SLC35F4: variants seen among roughly 807,000 people sequenced by gnomAD.
The protein encoded by SLC35F4 is solute carrier family 35 member F4, also known as chromosome 14 open reading frame 36.
In SLC35F4, 24 loss-of-function variants were observed where a neutral mutation model predicts 44.2. The observed-to-expected ratio is 0.54, with a 90% CI of 0.39 to 0.76. SLC35F4 has a LOEUF of 0.76. Ranked by LOEUF, SLC35F4 falls within the 30% of genes least tolerant of loss-of-function variation. The pLI is 0.00. For synonymous variants in SLC35F4, 238 were observed against 223.6 expected (o/e 1.06, Z -0.57); for missense variants, 562 against 586.1 (o/e 0.96, Z 0.42).
chr14:57,752,603 G>A (rs979812666), intron 1 of SLC35F4, among the ~76,000 whole-genome samples: 3 of 152,056 alleles, frequency 2.0e-5, no homozygotes, highest in Non-Finnish European at 2.9e-5. Flanking sequence ...TGGGACTACA[G>A]GCGCACACTA....
chr14:57,727,890 T>C (rs935171476), intron 1 of SLC35F4, among the ~76,000 whole-genome samples: 4 of 152,186 alleles, frequency 2.6e-5, no homozygotes, highest in Non-Finnish European at 5.9e-5. Flanking sequence ...TAAATATCTA[T>C]TAGTTCCATT....
chr14:57,581,836 C>A (rs2069293523), intron 3 of SLC35F4, among the ~76,000 whole-genome samples: 1 of 152,248 alleles, frequency 6.6e-6, no homozygotes, highest in East Asian at 1.9e-4. Flanking sequence ...CAGACAACTC[C>A]TAGAACCCGG....
intron 3 of SLC35F4, among the ~76,000 whole-genome samples, chr14:57,585,009 C>CAAATATAAAATATCTTTA (rs2069588449): frequency 6.6e-6 from 1 of 152,154 alleles, no homozygotes; most frequent in Admixed American, 6.5e-5. Context: ...GGATGGGAAT[C>CAAATATAAAATATCTTTA]AAATATAAAA....
intron 1 of SLC35F4, among the ~76,000 whole-genome samples, chr14:57,879,023 G>C (rs1888461653): frequency 6.6e-6 from 1 of 152,046 alleles, no homozygotes; most frequent in Non-Finnish European, 1.5e-5. Flanking sequence ...CTCCATCCAG[G>C]CAGGGCCAAA....
intron 1 of SLC35F4, among the ~76,000 whole-genome samples, chr14:57,839,434 A>T (rs1343677695): frequency 6.6e-6 from 1 of 152,206 alleles, no homozygotes; most frequent in Non-Finnish European, 1.5e-5. Context: ...CTTTGCAGAG[A>T]CATAGATGGA....
chr14:57,737,568 G>T (rs947087165), intron 1 of SLC35F4, among the ~76,000 whole-genome samples: 3 of 152,024 alleles, frequency 2.0e-5, no homozygotes, highest in South Asian at 2.1e-4. Context: ...GCTGTCAGAG[G>T]TTAAATGTAT....
At chr14:57,979,327 A>G (rs1336026683) in intron 1 of SLC35F4, among the ~76,000 whole-genome samples, 1 of 152,186 alleles carries the variant, frequency 6.6e-6, no homozygotes, top group Admixed American at 6.5e-5. Context: ...ATTGGACTTC[A>G]TGTGAGAAAG....
intron 1 of SLC35F4, among the ~76,000 whole-genome samples, chr14:57,718,318 G>C (rs1044251118): frequency 3.7e-5 from 5 of 136,928 alleles, no homozygotes; most frequent in Admixed American, 7.5e-5. Context: ...GAGTGCAGCT[G>C]TCACTTCAAT....
At chr14:57,937,709 T>C (rs556689831) in intron 1 of SLC35F4, among the ~76,000 whole-genome samples, 1 of 151,514 alleles carries the variant, frequency 6.6e-6, no homozygotes, top group Non-Finnish European at 1.5e-5. Context: ...TCTCAGAAAG[T>C]TTGCTGATGG....
chr14:57,949,885 T>C (rs1938658842), intron 1 of SLC35F4, among the ~76,000 whole-genome samples: 3 of 152,236 alleles, frequency 2.0e-5, no homozygotes, highest in Admixed American at 1.3e-4. Context: ...AGGTTTCTGC[T>C]GAGAAACCAG....
intron 1 of SLC35F4, among the ~76,000 whole-genome samples, chr14:57,815,446 T>C (rs1284233451): frequency 6.6e-6 from 1 of 152,292 alleles, no homozygotes; most frequent in Middle Eastern, 3.4e-3. Flanking sequence ...AAAATCATAT[T>C]TGTGGTTCTT....
At chr14:57,870,228 G>A, upstream of SLC35F4, among the ~76,000 whole-genome samples, 1 of 151,668 alleles carries the variant, frequency 6.6e-6, no homozygotes, top group East Asian at 1.9e-4. Context: ...GTCTGTGTGT[G>A]TCTGTCTATC....
intron 1 of SLC35F4, among the ~76,000 whole-genome samples, chr14:57,705,112 G>T (rs1354237919): frequency 6.6e-6 from 1 of 152,150 alleles, no homozygotes; most frequent in Non-Finnish European, 1.5e-5. Context: ...AGAATCAAAT[G>T]AATTAATATA....
chr14:57,917,281 G>A (rs138821803), intron 1 of SLC35F4, among the ~76,000 whole-genome samples: 2,197 of 152,142 alleles, frequency 0.014, 62 homozygotes, highest in African/African-American at 0.047. Context: ...GGCTGGTCTC[G>A]AACTCCTGAC....
chr14:57,925,585 A>G (rs1047479250), intron 1 of SLC35F4, among the ~76,000 whole-genome samples: 3 of 150,750 alleles, frequency 2.0e-5, no homozygotes, highest in Admixed American at 1.3e-4. Context: ...AGAGTCCTGG[A>G]GTAAATAGAA....
intron 1 of SLC35F4, among the ~76,000 whole-genome samples, chr14:57,663,958 T>C (rs1373303181): frequency 6.6e-6 from 1 of 151,776 alleles, no homozygotes; most frequent in Non-Finnish European, 1.5e-5. Context: ...ACATTCAACA[T>C]TTGGGAAATT....
intron 1 of SLC35F4, among the ~76,000 whole-genome samples, chr14:57,930,499 C>T (rs746760913): frequency 1.3e-5 from 2 of 152,318 alleles, no homozygotes; most frequent in East Asian, 3.9e-4. Flanking sequence ...TCACTCACTT[C>T]TCTGCCCTAT....
At chr14:57,875,143 G>C (rs1888372624) in intron 1 of SLC35F4, among the ~76,000 whole-genome samples, 2 of 152,148 alleles carry the variant, frequency 1.3e-5, no homozygotes, top group Admixed American at 6.5e-5. Flanking sequence ...AATTAATTTA[G>C]AGATTTGAAT....
intron 1 of SLC35F4, among the ~76,000 whole-genome samples, chr14:57,787,489 A>G (rs924759053): frequency 6.6e-6 from 1 of 152,194 alleles, no homozygotes; most frequent in Non-Finnish European, 1.5e-5. Context: ...TGAAGGAAAG[A>G]ATCTTAAGAG....
Sources: allele counts gnomAD v4.1 joint callset (sites outside exome capture counted in the v4.1 genomes callset), GRCh38; gene constraint gnomAD v4.1.1; transcripts MANE v1.5; gene names NCBI Gene and HGNC (gene_info 2026-07-23, HGNC 2026-07-21).